PARD3: variants seen among roughly 807,000 people sequenced by gnomAD.
The protein encoded by PARD3 is partitioning defective 3 homolog.
A neutral mutation model predicts 155.4 loss-of-function variants in PARD3; 75 were observed. That is an observed-to-expected ratio of 0.48 (90% confidence interval 0.40 to 0.58). The LOEUF (loss-of-function observed/expected upper bound fraction) is 0.58. PARD3 is among the 20% of genes least tolerant of loss of function. The pLI, the probability that PARD3 is intolerant of heterozygous loss-of-function variation, is 0.00. For synonymous variants in PARD3, 576 were observed against 610.5 expected (o/e 0.94, Z 0.83); for missense variants, 1,642 against 1,721.7 (o/e 0.95, Z 0.82).
intron 1 of PARD3, among the ~76,000 whole-genome samples, chr10:34,772,566 T>G (rs1476195234): frequency 6.7e-6 from 1 of 149,452 alleles, no homozygotes; most frequent in South Asian, 2.1e-4. Flanking sequence ...CTGAGGCGGG[T>G]GGATTACTTG....
intron 2 of PARD3, among the ~76,000 whole-genome samples, chr10:34,657,719 A>G (rs1396325927): frequency 6.6e-6 from 1 of 152,066 alleles, no homozygotes; most frequent in Non-Finnish European, 1.5e-5. Context: ...TTGTATTTTT[A>G]GTAGAGACGT....
rs1362630275 is a variant in PARD3 at position 34,463,182 on chromosome 10, AGGAAAGAGAAG to A, written c.582+6892_582+6902del. 5.9e-5 allele frequency among the ~76,000 whole-genome samples: 7 copies of A among 118,110 alleles called. No homozygotes were observed. The East Asian group carries it at 2.1e-3, about 36-fold the overall frequency. The allele number at this position is 118,110 out of a possible 152,430, so 77.5% of individuals were successfully genotyped here. On this transcript the variant is annotated intron_variant, in intron 4 of 24. Transcript: ENST00000374788. Reference sequence around the variant, plus strand: ...GGGAAGGGGAGGAAGGAAAAGGGAAAGGAAAGAGAAGGGGAAGGAAAGGGGAAGGGAAAGAA... The same window carrying A: ...GGGAAGGGGAGGAAGGAAAAGGGAAAGGGAAGGAAAGGGGAAGGGAAAGAA...
In PARD3 at chr10:34,170,942, A is replaced by C. The variant is rs971591327; in HGVS notation, c.3420-39359T>G. ...AGACGCGGAATTCAAATGCTCTTTCATTTACCAATGGCTACTCAGAGCTGT... is the reference window on the plus strand; with the variant it reads ...AGACGCGGAATTCAAATGCTCTTTCCTTTACCAATGGCTACTCAGAGCTGT... On this transcript the variant is annotated intron_variant, in intron 22 of 24. Coordinates refer to ENST00000374788, the MANE Select transcript of PARD3 (RefSeq NM_001184785.2). 2.0e-5 allele frequency among the ~76,000 whole-genome samples: 3 copies of C among 152,288 alleles called. No homozygotes were observed. The South Asian group carries it at 6.2e-4, about 32-fold the overall frequency.
At chr10:34,309,548 C>CAAAAAAAAAAAAAAAAAA (rs1173904388) in intron 20 of PARD3, among the ~76,000 whole-genome samples, 9 of 64,030 alleles carry the variant, frequency 1.4e-4, no homozygotes, top group East Asian at 1.5e-3. Flanking sequence ...ACCCTGTCTC[C>CAAAAAAAAAAAAAAAAAA]AAAAAAAAAA....
In PARD3 at chr10:34,444,887, CT is replaced by C. The variant is rs758170792; in HGVS notation, c.714+5429del. On this transcript the variant is annotated intron_variant, in intron 5 of 24. Coordinates refer to ENST00000374788, the MANE Select transcript of PARD3 (RefSeq NM_001184785.2). The stretch of plus-strand genomic sequence containing the variant: ...ACTGGAAAAGCTGATAAGGTCATAA[CT>C]GCCTTCAGAAACAGATAATGAGAGA... Among the ~76,000 whole-genome samples the C allele has an allele frequency of 1.4e-3, 211 of 152,306 alleles. 1 individual carries two copies. The highest frequency in any genetic ancestry group is 2.7e-3 in the Non-Finnish European group (181 of 68,028).
intron 1 of PARD3, among the ~76,000 whole-genome samples, chr10:34,709,107 A>G (rs2094412579): frequency 6.6e-6 from 1 of 152,154 alleles, no homozygotes; most frequent in Non-Finnish European, 1.5e-5. Flanking sequence ...AGTGTTTCAG[A>G]TTTCCATTTT....
rs185951389 is a variant in PARD3 at position 34,115,933 on chromosome 10, C to T, written c.3668+3680G>A. ...TTCACCGTGTTAGCCAGGATGGTCT[C>T]GATCTCCTGACCTTGTGATCCGCCT... On this transcript the variant is annotated intron_variant, in intron 24 of 24. Coordinates refer to ENST00000374788, the MANE Select transcript of PARD3 (RefSeq NM_001184785.2). Among the ~76,000 whole-genome samples the T allele has an allele frequency of 1.6e-3, 237 of 152,206 alleles. 3 individuals carry two copies. Among genetic ancestry groups the T allele is most frequent in the Non-Finnish European group, 5.0e-4 (34 of 68,006 alleles).
In PARD3 at chr10:34,343,359, G is replaced by C. The variant is rs1837036642; in HGVS notation, c.2219-1543C>G. The C allele has an allele frequency of 6.1e-6, 6 of 981,784 alleles. No individual in the cohort carries two copies. In the South Asian group the frequency reaches 2.8e-4, roughly 46 times the overall value. 60.8% of individuals were successfully genotyped at this position (981,784 alleles called of 1,614,324 possible). ...ATATTCTGAGAGATGGCCTAACAAA[G>C]CAATATGAACACTGAAAGGGGCATA... On this transcript the variant is annotated intron_variant, in intron 15 of 24. Coordinates refer to ENST00000374788, the MANE Select transcript of PARD3 (RefSeq NM_001184785.2).
At chr10:34,475,288 G>T (rs118158718) in intron 3 of PARD3, among the ~76,000 whole-genome samples, 1 of 152,184 alleles carries the variant, frequency 6.6e-6, no homozygotes, top group Non-Finnish European at 1.5e-5. Flanking sequence ...GGAAAGAGCA[G>T]CAATGTTTAA....
At chr10:34,437,718 A>G (rs1013370747) in intron 5 of PARD3, among the ~76,000 whole-genome samples, 2 of 152,156 alleles carry the variant, frequency 1.3e-5, no homozygotes, top group Non-Finnish European at 2.9e-5. Context: ...AAAATACGTA[A>G]TATTTTATGG....
chr10:34,192,806 C>T (rs549028292), intron 22 of PARD3, among the ~76,000 whole-genome samples: 2 of 152,166 alleles, frequency 1.3e-5, no homozygotes, highest in Non-Finnish European at 2.9e-5. Flanking sequence ...CCATGAAATC[C>T]AAGTACCACG....
chr10:34,149,822 G>A (rs1431550574), intron 22 of PARD3, among the ~76,000 whole-genome samples: 1 of 152,114 alleles, frequency 6.6e-6, no homozygotes, highest in Non-Finnish European at 1.5e-5. Context: ...GTAGATTAAG[G>A]ATTTGATGTT....
At chr10:34,699,878 G>C (rs2094242149) in intron 1 of PARD3, among the ~76,000 whole-genome samples, 2 of 152,054 alleles carry the variant, frequency 1.3e-5, no homozygotes, top group Non-Finnish European at 2.9e-5. Flanking sequence ...CCGTCTCTTA[G>C]GGGGAAGATA....
intron 5 of PARD3, among the ~76,000 whole-genome samples, chr10:34,432,041 CAAAAA>C (rs142848273): frequency 0.029 from 629 of 21,424 alleles, no homozygotes; most frequent in African/African-American, 0.069. Context: ...GACTCTGTCT[CAAAAA>C]AAAAAAAAAA....
At chr10:34,294,802 C>T (rs1589084851) in intron 20 of PARD3, among the ~76,000 whole-genome samples, 2 of 152,034 alleles carry the variant, frequency 1.3e-5, no homozygotes, top group South Asian at 2.1e-4. Context: ...GGCAAACACC[C>T]GCCATCTACC....
In PARD3 at chr10:34,602,304, T is replaced by C. The variant is rs1590183134; in HGVS notation, c.223-85145A>G. 2.0e-5 allele frequency among the ~76,000 whole-genome samples: 3 copies of C among 152,226 alleles called. No individual in the cohort carries two copies. The East Asian group carries it at 5.8e-4, about 29-fold the overall frequency. ...CCATTTCTTTTTTTCCTTCTTAATA[T>C]TTATTTTTAACTGATAGAATTAAAT... On this transcript the variant is annotated intron_variant, in intron 2 of 24. Transcript: ENST00000374788.
intron 13 of PARD3, 55 bp from the exon 14 acceptor site, chr10:34,359,372 G>T: frequency 1.6e-6 from 2 of 1,236,670 alleles, no homozygotes; most frequent in Non-Finnish European, 2.3e-6. Flanking sequence ...TATAAAAGAA[G>T]TAGCTTTTCC....
chr10:34,469,986 C>G, intron 4 of PARD3, 99 bp downstream of exon 4: 4 of 912,046 alleles, frequency 4.4e-6, no homozygotes, highest in Non-Finnish European at 4.9e-6. Context: ...CATGAAGATG[C>G]CCTGGAATCC....
intron 14 of PARD3, among the ~76,000 whole-genome samples, chr10:34,353,706 GATCA>G (rs1172186071): frequency 1.8e-5 from 2 of 109,928 alleles, no homozygotes; most frequent in Non-Finnish European, 3.3e-5. Context: ...ACCCAAGAAT[GATCA>G]ATAAATAAAT....
Sources: gnomAD v4.1 joint callset for allele counts (sites outside exome capture counted in the v4.1 genomes callset) on GRCh38, gnomAD v4.1.1 for gene constraint, MANE v1.5 for transcripts, NCBI Gene and HGNC (gene_info 2026-07-23, HGNC 2026-07-21) for gene names.